PDZD8: variants seen among roughly 807,000 people sequenced by gnomAD.
PDZD8 encodes the protein PDZ domain containing 8, also known as PDZ domain-containing protein 8.
In PDZD8, 14 loss-of-function variants were observed where a neutral mutation model predicts 85.8. That is an observed-to-expected ratio of 0.16 (90% CI 0.11 to 0.26). PDZD8 has a LOEUF of 0.26. Among genes scored for constraint, PDZD8 ranks in the 10% least tolerant of loss-of-function variants. PDZD8 has a pLI of 1.00. For synonymous variants in PDZD8, 592 were observed against 568.6 expected (o/e 1.04, Z -0.59); for missense variants, 1,197 against 1,424.3 (o/e 0.84, Z 2.57).
chr10:117,301,222 A>G (rs1458967547), intron 3 of PDZD8, among the ~76,000 whole-genome samples: 2 of 152,010 alleles, frequency 1.3e-5, no homozygotes, highest in African/African-American at 2.4e-5. Context: ...GGCCTCAAGT[A>G]ATTAGCCCAC....
At chr10:117,302,381 T>G (rs1206060829) in intron 3 of PDZD8, among the ~76,000 whole-genome samples, 1 of 152,228 alleles carries the variant, frequency 6.6e-6, no homozygotes, top group Non-Finnish European at 1.5e-5. Context: ...ACCATCTTTT[T>G]CAAAGTAAGT....
intron 1 of PDZD8, among the ~76,000 whole-genome samples, chr10:117,344,716 C>T (rs1844674994): frequency 6.6e-6 from 1 of 152,102 alleles, no homozygotes; most frequent in Admixed American, 6.5e-5. Flanking sequence ...TTGCCAGGAA[C>T]ACAGGGCTCC....
At chr10:117,310,215 A>G (rs1844012133) in intron 3 of PDZD8, among the ~76,000 whole-genome samples, 1 of 152,142 alleles carries the variant, frequency 6.6e-6, no homozygotes, top group Non-Finnish European at 1.5e-5. Flanking sequence ...AAAATCCTAT[A>G]CATACTATGA....
rs1408318250 is a variant in PDZD8 at position 117,283,902 on chromosome 10, C to T, written c.2831G>A (p.Arg944His). ...AGAGACTTGACGCAAATTTAATAAA[C>T]GAGAACTAGTATTGATAATATGCCT... ...LTRHIINTSS[R>H]LLNLRQVSKT... The change falls in exon 5 of 5, where the codon CGT becomes CAT. Residue 944 changes from arginine to histidine, a missense_variant. Arg to His is a conservative substitution (Grantham distance 29). This residue lies in a region of PDZD8 where 418 missense variants were observed against 571.1 expected (regional missense o/e 0.73). Coordinates refer to ENST00000334464, the MANE Select transcript of PDZD8 (RefSeq NM_173791.5). 4 of 1,614,164 alleles carry T rather than the reference C, an allele frequency of 2.5e-6. No individual in the cohort carries two copies. The highest frequency in any genetic ancestry group is 2.2e-5 in the East Asian group (1 of 44,892).
Position 117,277,998 on chromosome 10 carries a change from C to T in PDZD8, c.*5270G>A, listed in dbSNP as rs751862317. 1 of 152,192 alleles carries T rather than the reference C, an allele frequency of 6.6e-6. No individual in the cohort carries two copies. The highest frequency in any genetic ancestry group is 1.5e-5 in the Non-Finnish European group (1 of 68,022). 9.4% of individuals were successfully genotyped at this position (152,192 alleles called of 1,614,324 possible). On this transcript the variant is annotated 3_prime_UTR_variant, in exon 5 of 5. Coordinates refer to ENST00000334464, the MANE Select transcript of PDZD8 (RefSeq NM_173791.5). ...CCGAAAGCAGAGAAAAGCAACCAAACATATTGTTATGAACTAAAAGCTTTC... is the reference window on the plus strand; with the variant it reads ...CCGAAAGCAGAGAAAAGCAACCAAATATATTGTTATGAACTAAAAGCTTTC...
intron 3 of PDZD8, among the ~76,000 whole-genome samples, chr10:117,296,430 C>G (rs1221733266): frequency 6.6e-6 from 1 of 151,990 alleles, no homozygotes; most frequent in Non-Finnish European, 1.5e-5. Context: ...CAGTTCTTCC[C>G]AAATTTATCT....
chr10:117,335,869 G>T (rs963405080), intron 2 of PDZD8, among the ~76,000 whole-genome samples: 1 of 152,168 alleles, frequency 6.6e-6, no homozygotes, highest in African/African-American at 2.4e-5. Context: ...ATAGGATTGA[G>T]CAAGTGAATA....
chr10:117,304,155 G>A (rs1843893071), intron 3 of PDZD8, among the ~76,000 whole-genome samples: 1 of 152,230 alleles, frequency 6.6e-6, no homozygotes, highest in East Asian at 1.9e-4. Context: ...AAGCCACAGA[G>A]GTGGAGCTGT....
At chr10:117,288,434 TTC>T (rs1844704447) in intron 4 of PDZD8, among the ~76,000 whole-genome samples, 4 of 152,080 alleles carry the variant, frequency 2.6e-5, no homozygotes, top group South Asian at 2.1e-4. Flanking sequence ...ACAAAAGCTT[TTC>T]TGTTATGTTC....
At chr10:117,336,427 A>G (rs1844516144) in intron 2 of PDZD8, among the ~76,000 whole-genome samples, 1 of 152,214 alleles carries the variant, frequency 6.6e-6, no homozygotes. Context: ...CAATAAACAC[A>G]CCCAACATTC....
At chr10:117,360,185 A>T (rs1472196628) in intron 1 of PDZD8, among the ~76,000 whole-genome samples, 1 of 152,188 alleles carries the variant, frequency 6.6e-6, no homozygotes, top group Non-Finnish European at 1.5e-5. Context: ...GAATTCAAAG[A>T]GCTGGTGACT....
chr10:117,358,469 T>A lies in PDZD8; in HGVS notation c.872+15887A>T, dbSNP rs1352463482. Among the ~76,000 whole-genome samples the A allele has an allele frequency of 7.2e-5, 11 of 152,034 alleles. No individual in the cohort carries two copies. In the East Asian group the frequency reaches 2.1e-3, roughly 30 times the overall value. The stretch of plus-strand genomic sequence containing the variant: ...CTTTCTTTCCCCCTCATCTCCCCTC[T>A]CTTCTTTCACGGACTATAAAATAGT... On this transcript the variant is annotated intron_variant, in intron 1 of 4. Coordinates refer to ENST00000334464, the MANE Select transcript of PDZD8 (RefSeq NM_173791.5).
chr10:117,325,280 T>C lies in PDZD8; in HGVS notation c.996-6306A>G, dbSNP rs1844295121. ...GACCTCAGAGAGGAATTCACCATAA[T>C]CTATTAAGTACTATAGGTGACGTTT... is the stretch of plus-strand genomic sequence containing the variant. On this transcript the variant is annotated intron_variant, in intron 2 of 4. Transcript: ENST00000334464. Among the ~76,000 whole-genome samples the C allele has an allele frequency of 2.0e-5, 3 of 152,180 alleles. No individual in the cohort carries two copies. The Middle Eastern group carries it at 0.01, about 518-fold the overall frequency.
intron 3 of PDZD8, among the ~76,000 whole-genome samples, chr10:117,298,884 C>T (rs920812311): frequency 6.6e-6 from 1 of 152,044 alleles, no homozygotes; most frequent in African/African-American, 2.4e-5. Context: ...TAGCAGTCAG[C>T]CCTCCATATC....
chr10:117,337,507 C>A (rs776282113), intron 2 of PDZD8, among the ~76,000 whole-genome samples: 8 of 152,174 alleles, frequency 5.3e-5, no homozygotes, highest in Non-Finnish European at 1.2e-4. Context: ...GCCTTTCCAC[C>A]CTCAAGCTAT....
chr10:117,374,518 G>A lies in PDZD8; in HGVS notation c.710C>T (p.Pro237Leu). Reference sequence around the variant, plus strand: ...GAAGGAGAAGAACCAGTGGGTGAAGGGCACGCGCGTAAAGACCAAGCGCAG... The same window carrying A: ...GAAGGAGAAGAACCAGTGGGTGAAGAGCACGCGCGTAAAGACCAAGCGCAG... ...GRLRLVFTRV[P>L]FTHWFFSFVE... Residue 237 changes from proline (P) to leucine (L), a missense_variant, in exon 1 of 5, where the codon CCC becomes CTC. Pro to Leu is a moderately conservative substitution (Grantham distance 98). This residue lies in a region of PDZD8 where 344 missense variants were observed against 453.6 expected (regional missense o/e 0.76). Coordinates refer to ENST00000334464, the MANE Select transcript of PDZD8 (RefSeq NM_173791.5). The surrounding 1 kb of genome is among the most constrained non-coding windows in gnomAD (Gnocchi z 7.8). The A allele has an allele frequency of 6.2e-7, 1 of 1,612,132 alleles. No homozygotes were observed. Among genetic ancestry groups the A allele is most frequent in the Non-Finnish European group, 8.5e-7 (1 of 1,179,126 alleles).
At chr10:117,290,967 G>A (rs1306010669) in intron 3 of PDZD8, among the ~76,000 whole-genome samples, 5 of 148,098 alleles carry the variant, frequency 3.4e-5, no homozygotes, top group Admixed American at 1.4e-4. Context: ...CCTCCCAGGC[G>A]CAAGTGATTC....
rs150475996 is a variant in PDZD8, at chr10:117,312,454, A to G, written c.1098+6418T>C. ...TGATCCTCCCCTTTCCTCCCAGGAC[A>G]TTCACTAAACTGCAACAAGCCAGAA... On this transcript the variant is annotated intron_variant, in intron 3 of 4. Transcript: ENST00000334464. Among the ~76,000 whole-genome samples the G allele has an allele frequency of 1.1e-3, 170 of 152,306 alleles. 2 individuals carry two copies. The East Asian group carries it at 0.027, about 24-fold the overall frequency.
chr10:117,370,584 G>A (rs935980811), intron 1 of PDZD8, among the ~76,000 whole-genome samples: 1 of 152,190 alleles, frequency 6.6e-6, no homozygotes, highest in Non-Finnish European at 1.5e-5. Context: ...GCTCACACAT[G>A]TAACCCCAGC....
Sources: allele counts gnomAD v4.1 joint callset (sites outside exome capture counted in the v4.1 genomes callset), GRCh38; gene constraint gnomAD v4.1.1; regional missense constraint gnomAD v4.1.1; non-coding constraint Gnocchi (gnomAD v3.1); transcripts MANE v1.5; gene names NCBI Gene and HGNC (gene_info 2026-07-23, HGNC 2026-07-21).